Variants in VCAN observed in about 807,000 individuals in gnomAD.
The protein encoded by VCAN is versican core protein.
In VCAN, 44 loss-of-function variants were observed where a neutral mutation model predicts 245.5. The observed-to-expected ratio is 0.18, with a 90% CI of 0.14 to 0.23. VCAN has a LOEUF of 0.23. Ranked by LOEUF, VCAN falls within the 10% of genes least tolerant of loss-of-function variation. The probability of loss-of-function intolerance (pLI) is 1.00; values close to 1 mark genes in which losing one functional copy is unlikely to be tolerated. For missense variants in VCAN, 3,793 were observed against 4,057.9 expected (o/e 0.93, Z 1.77); for synonymous variants, 1,413 against 1,437.0 (o/e 0.98, Z 0.38).
chr5:83,514,531 AGCTTC>A (rs1436537555), intron 6 of VCAN, among the ~76,000 whole-genome samples: 1 of 151,358 alleles, frequency 6.6e-6, no homozygotes, highest in Non-Finnish European at 1.5e-5. Flanking sequence ...GCTCACTGCA[AGCTTC>A]ACCTTCCAGG....
At position 83,522,408 on chromosome 5, in the gene VCAN, TAGAAGA is replaced by T; in HGVS notation, c.4003+100_4003+105del. On this transcript the variant is annotated intron_variant, in intron 7 of 14. Transcript: ENST00000265077. ...AAGTCAACATACCAAATGCTGCTAT[TAGAAGA>T]TAACTGGAGTGTGAAAAATAAATGT... 9 of 1,295,036 alleles carry T rather than the reference TAGAAGA, an allele frequency of 6.9e-6. No homozygotes were observed. The South Asian group carries it at 1.1e-4, about 16-fold the overall frequency. The allele number at this position is 1,295,036 out of a possible 1,614,324, so 80.2% of individuals were successfully genotyped here.
chr5:83,510,163 T>C (rs1745608791), intron 5 of VCAN, among the ~76,000 whole-genome samples: 1 of 152,210 alleles, frequency 6.6e-6, no homozygotes, highest in African/African-American at 2.4e-5. Context: ...TAAAAAGCTA[T>C]GTACACCTCT....
Position 83,520,174 on chromosome 5 carries a change from AAG to A in VCAN, c.1874_1875del (p.Arg625ThrfsTer3), listed in dbSNP as rs772339079. ...AATGGATCATCCATGGATGACTGGG[AAG>A]AGAGACAAACTAGTGGTAGGATAAC... On this transcript the variant is annotated frameshift_variant, in exon 7 of 15. Transcript: ENST00000265077. LOFTEE classifies it high-confidence loss of function. 6.2e-7 allele frequency: 1 copy of A among 1,614,056 alleles called. No homozygotes were observed. Among genetic ancestry groups the A allele is most frequent in the Non-Finnish European group, 8.5e-7 (1 of 1,179,970 alleles).
chr5:83,545,875 G>C (rs1747195783), intron 9 of VCAN, among the ~76,000 whole-genome samples: 1 of 152,140 alleles, frequency 6.6e-6, no homozygotes. Flanking sequence ...GGCCTGCTGA[G>C]TCTTCTTGTG....
rs1746089231 is a variant in VCAN at position 83,521,334 on chromosome 5, A to G, written c.3028A>G (p.Thr1010Ala). ...PSQDILVIDQ[T>A]RLEATISPET... is the part of the protein sequence containing the mutation. ...TCAAGACATACTTGTCATTGATCAG[A>G]CTCGCCTTGAAGCGACTATTTCTCC... is the stretch of plus-strand genomic sequence containing the variant. The change falls in exon 7 of 15, where the codon ACT (threonine) becomes GCT (alanine). Residue 1010 changes from threonine to alanine, a missense_variant. Around this residue, in one of 5 missense-constraint regions of VCAN, gnomAD observed 3,182 missense variants for 3,250.3 expected, o/e 0.98. Coordinates refer to ENST00000265077, the MANE Select transcript of VCAN (RefSeq NM_004385.5). The G allele has an allele frequency of 1.2e-6, 2 of 1,614,082 alleles. No homozygotes were observed. Among genetic ancestry groups the G allele is most frequent in the South Asian group, 2.2e-5 (2 of 91,074 alleles).
In VCAN at chr5:83,539,274, A is replaced by G. The variant is rs1188185859; in HGVS notation, c.6271A>G (p.Thr2091Ala). ...SGTVSTNFPQ[T>A]IEPAKLWSRQ... ...CACAGTTTCAACAAACTTTCCCCAA[A>G]CTATAGAGCCAGCCAAATTATGGTC... Residue 2091 changes from threonine to alanine, a missense_variant, in exon 8 of 15, where the codon ACT becomes GCT. Physicochemically the swap from Thr to Ala is moderately conservative, Grantham distance 58. Around this residue, in one of 5 missense-constraint regions of VCAN, gnomAD observed 3,182 missense variants for 3,250.3 expected, o/e 0.98. Transcript: ENST00000265077. 2 of 1,613,946 alleles carry G rather than the reference A, an allele frequency of 1.2e-6. No homozygotes were observed. Among genetic ancestry groups the G allele is most frequent in the African/African-American group, 1.3e-5 (1 of 74,910 alleles).
intron 9 of VCAN, among the ~76,000 whole-genome samples, chr5:83,546,087 T>C (rs1461169135): frequency 6.6e-6 from 1 of 152,160 alleles, no homozygotes; most frequent in Non-Finnish European, 1.5e-5. Flanking sequence ...TCATTTGGAA[T>C]GGGAAAGACC....
At chr5:83,485,478 A>G (rs1484133484) in intron 2 of VCAN, among the ~76,000 whole-genome samples, 1 of 152,108 alleles carries the variant, frequency 6.6e-6, no homozygotes, top group Non-Finnish European at 1.5e-5. Context: ...GCAAAGAAAG[A>G]TATGAGTTGA....
rs535419228 is a variant in VCAN, at chr5:83,566,087, C to T, written c.9736-6329C>T. ...AAGTGATTCTCCTGCCTCAGCCTTC[C>T]GAGGAATTACAGGTGCCTGCCACCA... is the stretch of plus-strand genomic sequence containing the variant. On this transcript the variant is annotated intron_variant, in intron 12 of 14. Transcript: ENST00000265077. Among the ~76,000 whole-genome samples the T allele has an allele frequency of 1.7e-4, 26 of 151,848 alleles. No individual in the cohort carries two copies. The South Asian group carries it at 2.5e-3, about 15-fold the overall frequency.
In VCAN at chr5:83,540,637, T is replaced by G; in HGVS notation, c.7634T>G (p.Ile2545Arg). ...AAAAAACCCACTGAAAATATTATCA[T>G]AGACCTGGACAAAGAGGACAAGGAT... ...NRKKPTENII[I>R]DLDKEDKDLI... The change falls in exon 8 of 15, where the codon ATA (isoleucine) becomes AGA (arginine). Residue 2545 changes from isoleucine to arginine, a missense_variant. Transcript: ENST00000265077. The G allele has an allele frequency of 6.2e-7, 1 of 1,613,806 alleles. No homozygotes were observed. The highest frequency in any genetic ancestry group is 8.5e-7 in the Non-Finnish European group (1 of 1,179,952).
At chr5:83,557,538 T>C (rs577020086) in intron 12 of VCAN, among the ~76,000 whole-genome samples, 1 of 152,132 alleles carries the variant, frequency 6.6e-6, no homozygotes, top group Non-Finnish European at 1.5e-5. Flanking sequence ...TCATCATATG[T>C]CATTATTCCC....
intron 7 of VCAN, among the ~76,000 whole-genome samples, chr5:83,523,794 C>T (rs929232943): frequency 6.6e-6 from 1 of 152,006 alleles, no homozygotes; most frequent in East Asian, 1.9e-4. Context: ...TTTCTACATC[C>T]TTTTCCATCT....
At chr5:83,543,045 C>G (rs563662406) in intron 8 of VCAN, among the ~76,000 whole-genome samples, 55 of 152,198 alleles carry the variant, frequency 3.6e-4, no homozygotes, top group Non-Finnish European at 6.0e-4. Flanking sequence ...GGCACAGCCA[C>G]ATTGTGGTAA....
At chr5:83,486,737 T>C (rs1461643419) in intron 2 of VCAN, among the ~76,000 whole-genome samples, 1 of 152,254 alleles carries the variant, frequency 6.6e-6, no homozygotes, top group African/African-American at 2.4e-5. Flanking sequence ...CATTGAGTAA[T>C]TTCTGCATGT....
Position 83,538,255 on chromosome 5 carries a change from T to C in VCAN, c.5252T>C (p.Ile1751Thr). 2 of 1,614,016 alleles carry C rather than the reference T, an allele frequency of 1.2e-6. No individual in the cohort carries two copies. Among genetic ancestry groups the C allele is most frequent in the African/African-American group, 2.7e-5 (2 of 75,024 alleles). ...TCTACACAGAGATCGGATCAATTAA[T>C]TTTACCCTTTGAATTAGAAAGTCCA... ...YSSTQRSDQL[I>T]LPFELESPNV... Residue 1751 changes from isoleucine (I) to threonine (T), a missense_variant, in exon 8 of 15, where the codon ATT (isoleucine) becomes ACT (threonine). This residue lies in a region of VCAN where 3,182 missense variants were observed against 3,250.3 expected (regional missense o/e 0.98). Transcript: ENST00000265077.
rs111664406 is a variant in VCAN at position 83,484,509 on chromosome 5, T to A, written c.70+921T>A. Reference sequence around the variant, plus strand: ...CATGTATTCATCCATCCATCCATCCTTCCATCCATCCATCCATCCATCCAT... The same window carrying A: ...CATGTATTCATCCATCCATCCATCCATCCATCCATCCATCCATCCATCCAT... On this transcript the variant is annotated intron_variant, in intron 2 of 14. Coordinates refer to ENST00000265077, the MANE Select transcript of VCAN (RefSeq NM_004385.5). 6.6e-4 allele frequency among the ~76,000 whole-genome samples: 99 copies of A among 149,246 alleles called. No homozygotes were observed. In the Middle Eastern group the frequency reaches 0.018, roughly 27 times the overall value.
chr5:83,508,153 G>T (rs1745537231), intron 5 of VCAN, among the ~76,000 whole-genome samples: 1 of 152,092 alleles, frequency 6.6e-6, no homozygotes, highest in Non-Finnish European at 1.5e-5. Flanking sequence ...ATAATCCTGG[G>T]AGGCAATTGG....
At chr5:83,556,227 G>T (rs770127918) in intron 12 of VCAN, among the ~76,000 whole-genome samples, 87 of 152,282 alleles carry the variant, frequency 5.7e-4, no homozygotes, top group Admixed American at 1.7e-3. Flanking sequence ...GTAAAGAAAG[G>T]GAAGGTCAGT....
At chr5:83,476,367 A>G (rs919138997) in intron 1 of VCAN, among the ~76,000 whole-genome samples, 1 of 152,218 alleles carries the variant, frequency 6.6e-6, no homozygotes, top group Non-Finnish European at 1.5e-5. Context: ...CTCAAGACAC[A>G]TGGTTCTTTT....
Sources: allele counts gnomAD v4.1 joint callset (sites outside exome capture counted in the v4.1 genomes callset), GRCh38; gene constraint gnomAD v4.1.1; regional missense constraint gnomAD v4.1.1; transcripts MANE v1.5; gene names NCBI Gene and HGNC (gene_info 2026-07-23, HGNC 2026-07-21).